BNIP2: variants seen among roughly 807,000 people sequenced by gnomAD.
The protein encoded by BNIP2 is BCL2/adenovirus E1B 19 kDa protein-interacting protein 2.
In BNIP2, 36 loss-of-function variants were observed where a neutral mutation model predicts 43.4. That is an observed-to-expected ratio of 0.83 (90% CI 0.64 to 1.10). The LOEUF (loss-of-function observed/expected upper bound fraction) is 1.10, where lower values mean the gene tolerates loss of function less well. Among genes scored for constraint, BNIP2 ranks in the 50% least tolerant of loss-of-function variants. The pLI is 0.00. For missense variants in BNIP2, 417 were observed against 374.1 expected (o/e 1.11, Z -0.95); for synonymous variants, 146 against 121.0 (o/e 1.21, Z -1.35).
chr15:59,674,194 G>T (rs1476303144), intron 5 of BNIP2, among the ~76,000 whole-genome samples: 3 of 151,824 alleles, frequency 2.0e-5, no homozygotes, highest in African/African-American at 7.3e-5. Flanking sequence ...TTCAACAGCA[G>T]TCTTTAGATA....
At chr15:59,679,363 T>C (rs1893505938) in intron 4 of BNIP2, 1 of 379,542 alleles carries the variant, frequency 2.6e-6, no homozygotes, top group Non-Finnish European at 4.7e-6. Flanking sequence ...TATCAAGAAA[T>C]ATTTTTGAAA....
intron 1 of BNIP2, among the ~76,000 whole-genome samples, chr15:59,687,351 CCT>C (rs1491549836): frequency 5.4e-5 from 3 of 56,006 alleles, no homozygotes; most frequent in African/African-American, 9.2e-5. Flanking sequence ...ATCTTTTCAT[CCT>C]TTTTTTTTTT....
rs756869353 is a variant in BNIP2 at position 59,668,988 on chromosome 15, G to A, written c.797C>T (p.Ser266Leu). 5 of 1,611,578 alleles carry A rather than the reference G, an allele frequency of 3.1e-6. No homozygotes were observed. Among genetic ancestry groups the A allele is most frequent in the East Asian group, 2.2e-5 (1 of 44,804 alleles). Residue 266 changes from serine (S) to leucine (L), a missense_variant and splice_region_variant, in exon 9 of 10, where the codon TCG becomes TTG. By Grantham distance (145) the Ser-to-Leu change is moderately radical. Transcript: ENST00000607373. ...GTATCTAATTTTTTGGCTGAATTTCGAGCTATGGAAGAAAATAAAAATAAT... is the reference window on the plus strand; with the variant it reads ...GTATCTAATTTTTTGGCTGAATTTCAAGCTATGGAAGAAAATAAAAATAAT... ...LLAVTRPFIS[S>L]KFSQKIRYVF...
intron 2 of BNIP2, among the ~76,000 whole-genome samples, chr15:59,682,015 C>T (rs909193354): frequency 2.0e-5 from 3 of 152,036 alleles, no homozygotes; most frequent in Admixed American, 6.6e-5. Flanking sequence ...ATCAAATGAT[C>T]GCCTTGTATT....
chr15:59,687,885 C>T (rs2142026548), intron 1 of BNIP2, among the ~76,000 whole-genome samples: 1 of 152,266 alleles, frequency 6.6e-6, no homozygotes, highest in African/African-American at 2.4e-5. Flanking sequence ...GAGGCAATGA[C>T]ACTACATCCT....
Position 59,681,509 on chromosome 15 carries a change from C to T in BNIP2, c.50+899G>A, listed in dbSNP as rs574935262. 2.7e-5 allele frequency among the ~76,000 whole-genome samples: 4 copies of T among 149,072 alleles called. No individual in the cohort carries two copies. In the East Asian group the frequency reaches 5.9e-4, roughly 22 times the overall value. On this transcript the variant is annotated intron_variant, in intron 2 of 9. Coordinates refer to ENST00000607373, the MANE Select transcript of BNIP2 (RefSeq NM_004330.4). ...GGTCGCCCAAGCTGGAGTGCAGCAG[C>T]GCGACCTTGGCTCACGGCAACCCCT...
intron 5 of BNIP2, chr15:59,677,255 G>T: frequency 1.9e-6 from 3 of 1,597,994 alleles, no homozygotes; most frequent in Non-Finnish European, 2.6e-6. Flanking sequence ...TGGACTGCTT[G>T]ACTGAAGTAT....
chr15:59,661,316 T>A lies in BNIP2; in HGVS notation c.*2753A>T. On this transcript the variant is annotated 3_prime_UTR_variant, in exon 10 of 10. Transcript: ENST00000607373. ...CTGCACTCCAGAATGGGTGACAGAGTGAGTCTCTGTCTCCAAAAAAAAAAA... is the reference window on the plus strand; with the variant it reads ...CTGCACTCCAGAATGGGTGACAGAGAGAGTCTCTGTCTCCAAAAAAAAAAA... 1 of 103,178 alleles carries A rather than the reference T, an allele frequency of 9.7e-6. No homozygotes were observed. Among genetic ancestry groups the A allele is most frequent in the African/African-American group, 4.1e-5 (1 of 24,252 alleles). The allele number at this position is 103,178 out of a possible 1,614,324, so 6.4% of individuals were successfully genotyped here. A position where few individuals can be genotyped will look rare whatever the true frequency, so the allele number is the denominator to read the frequency against.
Position 59,663,223 on chromosome 15 carries a change from C to A in BNIP2, c.*846G>T, listed in dbSNP as rs1302181406. ...CTCATATACACTCAGGGGAGCAATA[C>A]CCTGGACACATAGCTTATTTCACAT... On this transcript the variant is annotated 3_prime_UTR_variant, in exon 10 of 10. Transcript: ENST00000607373. The A allele has an allele frequency of 6.6e-6, 1 of 152,506 alleles. No individual in the cohort carries two copies. The highest frequency in any genetic ancestry group is 1.5e-5 in the Non-Finnish European group (1 of 68,030). The allele number at this position is 152,506 out of a possible 1,614,324, so 9.4% of individuals were successfully genotyped here. A position where few individuals can be genotyped will look rare whatever the true frequency, so the allele number is the denominator to read the frequency against.
chr15:59,688,049 T>G (rs539318496), intron 1 of BNIP2, among the ~76,000 whole-genome samples: 1 of 152,208 alleles, frequency 6.6e-6, no homozygotes, highest in Non-Finnish European at 1.5e-5. Context: ...CACTGACTTA[T>G]GATAATCTAG....
At chr15:59,676,763 G>C in intron 5 of BNIP2, 1 of 1,467,992 alleles carries the variant, frequency 6.8e-7, no homozygotes, top group Non-Finnish European at 9.2e-7. Context: ...TGTCATGGAG[G>C]ATGAGCGGAG....
At position 59,687,948 on chromosome 15, in the gene BNIP2, G is replaced by A. The variant is rs139807758; in HGVS notation, c.-58+1187C>T. Reference sequence around the variant, plus strand: ...TCTAATACAGCACACCGTCTCCAGTGCACTGGCAATTTTATACAGAAGAAG... The same window carrying A: ...TCTAATACAGCACACCGTCTCCAGTACACTGGCAATTTTATACAGAAGAAG... On this transcript the variant is annotated intron_variant, in intron 1 of 9. Transcript: ENST00000607373. Among the ~76,000 whole-genome samples, 307 of 152,288 alleles carry A rather than the reference G, an allele frequency of 2.0e-3. 1 individual carries two copies. Among genetic ancestry groups the A allele is most frequent in the African/African-American group, 7.1e-3 (296 of 41,546 alleles).
chr15:59,689,216 A>T lies in BNIP2; in HGVS notation c.-139T>A. Reference sequence around the variant, plus strand: ...GGCTGACGGCCAGGTCGCAAAAAGCAGGGCCGAGCGGAGCCCGCTCCCCTC... The same window carrying T: ...GGCTGACGGCCAGGTCGCAAAAAGCTGGGCCGAGCGGAGCCCGCTCCCCTC... On this transcript the variant is annotated 5_prime_UTR_variant, in exon 1 of 10. Coordinates refer to ENST00000607373, the MANE Select transcript of BNIP2 (RefSeq NM_004330.4). The T allele has an allele frequency of 6.5e-7, 1 of 1,540,750 alleles. No homozygotes were observed. Among genetic ancestry groups the T allele is most frequent in the Non-Finnish European group, 8.7e-7 (1 of 1,146,348 alleles).
chr15:59,688,866 G>A, intron 1 of BNIP2: 1 of 1,305,626 alleles, frequency 7.7e-7, no homozygotes, highest in Non-Finnish European at 1.0e-6. Flanking sequence ...TCCATCCCGA[G>A]CACAACTACC....
chr15:59,670,257 G>A (rs1483569567), intron 7 of BNIP2, among the ~76,000 whole-genome samples: 2 of 151,954 alleles, frequency 1.3e-5, no homozygotes, highest in African/African-American at 2.4e-5. Context: ...ATGTCAAAAC[G>A]CTGTCTCTAC....
chr15:59,661,031 T>G lies in BNIP2; in HGVS notation c.*3038A>C, dbSNP rs1439369165. ...TGTTACCATCAGCAGTCACATATGGTACTTCCCTTAAAAGGACACACATGG... is the reference window on the plus strand; with the variant it reads ...TGTTACCATCAGCAGTCACATATGGGACTTCCCTTAAAAGGACACACATGG... On this transcript the variant is annotated 3_prime_UTR_variant, in exon 10 of 10. Coordinates refer to ENST00000607373, the MANE Select transcript of BNIP2 (RefSeq NM_004330.4). 1 of 152,136 alleles carries G rather than the reference T, an allele frequency of 6.6e-6. No homozygotes were observed. Among genetic ancestry groups the G allele is most frequent in the Non-Finnish European group, 1.5e-5 (1 of 68,038 alleles). 9.4% of individuals were successfully genotyped at this position (152,136 alleles called of 1,614,324 possible). A position where few individuals can be genotyped will look rare whatever the true frequency, so the allele number is the denominator to read the frequency against.
chr15:59,681,196 C>T (rs1893644156), intron 2 of BNIP2, among the ~76,000 whole-genome samples: 1 of 152,204 alleles, frequency 6.6e-6, no homozygotes, highest in African/African-American at 2.4e-5. Context: ...CTCCGATCAG[C>T]TGTCCAACTG....
At chr15:59,665,784 G>A (rs1303172079) in intron 9 of BNIP2, among the ~76,000 whole-genome samples, 1 of 152,120 alleles carries the variant, frequency 6.6e-6, no homozygotes, top group African/African-American at 2.4e-5. Flanking sequence ...GTAGTGGTCT[G>A]AATAACTGAT....
intron 9 of BNIP2, among the ~76,000 whole-genome samples, chr15:59,668,312 A>G (rs1297210677): frequency 2.0e-5 from 3 of 152,228 alleles, no homozygotes; most frequent in African/African-American, 7.2e-5. Flanking sequence ...TACATTAAAT[A>G]GACTAAAACC....
Sources: allele counts gnomAD v4.1 joint callset (sites outside exome capture counted in the v4.1 genomes callset), GRCh38; gene constraint gnomAD v4.1.1; transcripts MANE v1.5; gene names NCBI Gene and HGNC (gene_info 2026-07-23, HGNC 2026-07-21).